Variants in PGGT1B observed in about 807,000 individuals in gnomAD.
PGGT1B encodes protein geranylgeranyltransferase type I subunit beta, also known as geranylgeranyl transferase type-1 subunit beta.
A neutral mutation model predicts 46.1 loss-of-function variants in PGGT1B; 30 were observed. That is an observed-to-expected ratio of 0.65 (90% CI 0.49 to 0.88). PGGT1B has a LOEUF of 0.88. Ranked by LOEUF, PGGT1B falls within the 40% of genes least tolerant of loss-of-function variation. PGGT1B has a pLI of 0.00. For synonymous variants in PGGT1B, 170 were observed against 160.0 expected (o/e 1.06, Z -0.47); for missense variants, 376 against 455.9 (o/e 0.82, Z 1.60).
intron 3 of PGGT1B, among the ~76,000 whole-genome samples, chr5:115,238,398 G>A (rs1757253578): frequency 7.0e-6 from 1 of 143,016 alleles, no homozygotes; most frequent in South Asian, 2.2e-4. Context: ...CCAACTCCTG[G>A]GCTCAAGTGA....
At chr5:115,260,033 A>G (rs1310210875) in intron 1 of PGGT1B, among the ~76,000 whole-genome samples, 2 of 152,208 alleles carry the variant, frequency 1.3e-5, no homozygotes, top group African/African-American at 4.8e-5. Flanking sequence ...GGTAATTGAT[A>G]AAGCTCCCAA....
chr5:115,221,803 A>G, intron 7 of PGGT1B, 21 bp downstream of exon 7: 3 of 1,494,358 alleles, frequency 2.0e-6, no homozygotes, highest in Non-Finnish European at 2.7e-6. Flanking sequence ...TAGGTTTCTC[A>G]TTTTTTATTA....
At chr5:115,258,313 CCT>C (rs1435826363) in intron 1 of PGGT1B, among the ~76,000 whole-genome samples, 2 of 152,166 alleles carry the variant, frequency 1.3e-5, no homozygotes. Flanking sequence ...TTCTTCATCC[CCT>C]CTTTTCTAGC....
intron 6 of PGGT1B, among the ~76,000 whole-genome samples, chr5:115,224,133 C>G (rs188170297): frequency 6.6e-6 from 1 of 152,226 alleles, no homozygotes; most frequent in African/African-American, 2.4e-5. Flanking sequence ...TTATTACAAC[C>G]TTTTAAAATA....
chr5:115,222,008 C>G lies in PGGT1B; in HGVS notation c.659G>C (p.Gly220Ala). ...LAQGAGLESH[G>A]GSTFCGIASL... ...GGCAATGCCACAAAAAGTTGATCCT[C>G]CTGTTAATCAAAACCACACAACGTT... The change falls in exon 7 of 9, where the codon GGA becomes GCA. Residue 220 changes from glycine to alanine, a missense_variant and splice_region_variant. By Grantham distance (60) the Gly-to-Ala change is moderately conservative (BLOSUM62 0). Around this residue, in one of 2 missense-constraint regions of PGGT1B, gnomAD observed 222 missense variants for 313.6 expected, o/e 0.71. Coordinates refer to ENST00000419445, the MANE Select transcript of PGGT1B (RefSeq NM_005023.4). 1 of 1,547,612 alleles carries G rather than the reference C, an allele frequency of 6.5e-7. No individual in the cohort carries two copies. Among genetic ancestry groups the G allele is most frequent in the Non-Finnish European group, 8.7e-7 (1 of 1,149,768 alleles).
intron 8 of PGGT1B, among the ~76,000 whole-genome samples, chr5:115,214,303 T>TA (rs3842600): frequency 0.086 from 13,084 of 152,182 alleles, 1,165 homozygotes; most frequent in East Asian, 0.52. Context: ...ATTGTGTTTT[T>TA]AAAAAAACTC....
chr5:115,225,300 T>C (rs1320074551), intron 6 of PGGT1B, among the ~76,000 whole-genome samples: 1 of 152,244 alleles, frequency 6.6e-6, no homozygotes, highest in Non-Finnish European at 1.5e-5. Context: ...AATACTTCAG[T>C]CATAAAACAT....
chr5:115,232,639 T>G (rs962234063), intron 5 of PGGT1B, among the ~76,000 whole-genome samples: 3 of 151,968 alleles, frequency 2.0e-5, no homozygotes, highest in African/African-American at 7.2e-5. Flanking sequence ...ATTTTAAAGG[T>G]CATAAAACAA....
rs1756096825 is a variant in PGGT1B, at chr5:115,207,362, A to T, written c.*5040T>A. 6.6e-6 allele frequency: 1 copy of T among 151,638 alleles called. No individual in the cohort carries two copies. The highest frequency in any genetic ancestry group is 2.4e-5 in the African/African-American group (1 of 41,334). The allele number at this position is 151,638 out of a possible 1,614,324, so 9.4% of individuals were successfully genotyped here. On this transcript the variant is annotated 3_prime_UTR_variant, in exon 9 of 9. Transcript: ENST00000419445. ...TGAAACAGAACATTACCAGCACCGC[A>T]GAGTCTCCCTTGTACCCTCTTTCAG...
Position 115,237,981 on chromosome 5 carries a change from C to T in PGGT1B, c.356G>A (p.Ser119Asn). Reference sequence around the variant, plus strand: ...AGTGTAGGTCATTGCAATGTGGCCACTATCATAAGGATGAGCTGTTCCAGG... The same window carrying T: ...AGTGTAGGTCATTGCAATGTGGCCATTATCATAAGGATGAGCTGTTCCAGG... ...KAPGTAHPYD[S>N]GHIAMTYTGL... The change falls in exon 4 of 9, where the codon AGT becomes AAT. Residue 119 changes from serine to asparagine, a missense_variant. By Grantham distance (46) the Ser-to-Asn change is conservative. Transcript: ENST00000419445. 1 of 1,610,604 alleles carries T rather than the reference C, an allele frequency of 6.2e-7. No individual in the cohort carries two copies. The highest frequency in any genetic ancestry group is 8.5e-7 in the Non-Finnish European group (1 of 1,178,074).
At chr5:115,220,923 C>T (rs965173001) in intron 7 of PGGT1B, among the ~76,000 whole-genome samples, 1 of 151,770 alleles carries the variant, frequency 6.6e-6, no homozygotes, top group Non-Finnish European at 1.5e-5. Context: ...GGGTAGCTTT[C>T]GGTTGATAAT....
At chr5:115,221,665 T>C (rs1236358337) in intron 7 of PGGT1B, among the ~76,000 whole-genome samples, 159 bp downstream of exon 7, 1 of 152,130 alleles carries the variant, frequency 6.6e-6, no homozygotes, top group Non-Finnish European at 1.5e-5. Flanking sequence ...CTGATTTCTA[T>C]GGAAAAACCA....
At chr5:115,258,118 TA>T (rs1434278681) in intron 1 of PGGT1B, among the ~76,000 whole-genome samples, 1 of 152,236 alleles carries the variant, frequency 6.6e-6, no homozygotes, top group African/African-American at 2.4e-5. Flanking sequence ...AAGAAACATC[TA>T]CTGAACACCT....
chr5:115,240,447 C>T (rs1334580121), intron 3 of PGGT1B, among the ~76,000 whole-genome samples: 1 of 151,974 alleles, frequency 6.6e-6, no homozygotes, highest in Non-Finnish European at 1.5e-5. Context: ...GAAGACATTA[C>T]CTGTATTCTG....
intron 6 of PGGT1B, among the ~76,000 whole-genome samples, chr5:115,226,789 G>A (rs1158463164): frequency 1.3e-5 from 2 of 151,906 alleles, no homozygotes; most frequent in African/African-American, 2.4e-5. Flanking sequence ...TGGCATGAAT[G>A]AAGTATTATG....
In PGGT1B at chr5:115,209,639, G is replaced by A. The variant is rs1756164786; in HGVS notation, c.*2763C>T. 1 of 152,046 alleles carries A rather than the reference G, an allele frequency of 6.6e-6. No individual in the cohort carries two copies. Among genetic ancestry groups the A allele is most frequent in the Non-Finnish European group, 1.5e-5 (1 of 67,990 alleles). The allele number at this position is 152,046 out of a possible 1,614,324, so 9.4% of individuals were successfully genotyped here. On this transcript the variant is annotated 3_prime_UTR_variant, in exon 9 of 9. Transcript: ENST00000419445. ...TATCCTAGTTGCTCTGTATTCTTAT[G>A]GGGAGATTAGAAAACAACACTGTTG... is the stretch of plus-strand genomic sequence containing the variant.
chr5:115,242,442 A>G (rs1166573594), intron 2 of PGGT1B, among the ~76,000 whole-genome samples: 1 of 152,252 alleles, frequency 6.6e-6, no homozygotes, highest in East Asian at 1.9e-4. Flanking sequence ...AGTCTCTGAT[A>G]TGAAGAACTA....
chr5:115,227,193 C>A (rs1306288775), intron 6 of PGGT1B, among the ~76,000 whole-genome samples: 1 of 152,132 alleles, frequency 6.6e-6, no homozygotes, highest in South Asian at 2.1e-4. Context: ...TGGGTTATGA[C>A]ACTTAACCTG....
At chr5:115,219,973 G>A (rs369795672) in intron 7 of PGGT1B, among the ~76,000 whole-genome samples, 1 of 151,842 alleles carries the variant, frequency 6.6e-6, no homozygotes, top group East Asian at 1.9e-4. Context: ...TAGAGAAAAT[G>A]GAACTCTCAT....
Sources: gnomAD v4.1 joint callset for allele counts (sites outside exome capture counted in the v4.1 genomes callset) on GRCh38, gnomAD v4.1.1 for gene constraint, gnomAD v4.1.1 regional missense constraint, MANE v1.5 for transcripts, NCBI Gene and HGNC (gene_info 2026-07-23, HGNC 2026-07-21) for gene names.